Variants in SRBD1 observed in about 807,000 individuals in gnomAD.
SRBD1 encodes the protein S1 RNA binding domain 1, also known as S1 RNA-binding domain-containing protein 1.
In SRBD1, 88 loss-of-function variants were observed where a neutral mutation model predicts 115.3. The observed-to-expected ratio is 0.76, with a 90% CI of 0.64 to 0.91. SRBD1 has a LOEUF of 0.91. Among genes scored for constraint, SRBD1 ranks in the 40% least tolerant of loss-of-function variants. SRBD1 has a pLI of 0.00. For missense variants in SRBD1, 1,385 were observed against 1,177.4 expected (o/e 1.18, Z -2.58); for synonymous variants, 509 against 407.7 (o/e 1.25, Z -2.99).
At chr2:45,536,881 A>C (rs1376723458) in intron 14 of SRBD1, among the ~76,000 whole-genome samples, 1 of 152,168 alleles carries the variant, frequency 6.6e-6, no homozygotes, top group African/African-American at 2.4e-5. Context: ...AAGGCTGAAA[A>C]CTGTAATTTC....
intron 14 of SRBD1, among the ~76,000 whole-genome samples, chr2:45,522,931 A>G (rs1671331131): frequency 6.6e-6 from 1 of 152,168 alleles, no homozygotes; most frequent in South Asian, 2.1e-4. Context: ...AAAGTTATAC[A>G]CAAATTTCTG....
intron 19 of SRBD1, among the ~76,000 whole-genome samples, chr2:45,398,252 CTGA>C (rs907222671): frequency 1.3e-5 from 2 of 151,988 alleles, no homozygotes; most frequent in African/African-American, 2.4e-5. Flanking sequence ...CTTCCAGACT[CTGA>C]TGAGAGAATA....
intron 14 of SRBD1, among the ~76,000 whole-genome samples, chr2:45,489,331 GAGGC>G (rs1378903130): frequency 1.3e-5 from 2 of 152,142 alleles, no homozygotes; most frequent in Non-Finnish European, 2.9e-5. Flanking sequence ...TCAATTGCAT[GAGGC>G]AAATTTAATG....
chr2:45,518,259 C>A (rs1671179230), intron 14 of SRBD1, among the ~76,000 whole-genome samples: 1 of 151,988 alleles, frequency 6.6e-6, no homozygotes, highest in Non-Finnish European at 1.5e-5. Flanking sequence ...GCAAAATATC[C>A]AAATTTATGT....
chr2:45,441,449 C>T (rs1017227633), intron 16 of SRBD1, among the ~76,000 whole-genome samples: 1 of 152,164 alleles, frequency 6.6e-6, no homozygotes, highest in African/African-American at 2.4e-5. Flanking sequence ...GTTATTGTAT[C>T]CTGGTACATA....
intron 16 of SRBD1, among the ~76,000 whole-genome samples, chr2:45,436,243 A>G (rs1668494036): frequency 6.6e-6 from 1 of 152,214 alleles, no homozygotes; most frequent in South Asian, 2.1e-4. Flanking sequence ...TAAACTAAGA[A>G]CAAACGGGAA....
At chr2:45,534,679 T>A (rs1488919660) in intron 14 of SRBD1, among the ~76,000 whole-genome samples, 1 of 152,006 alleles carries the variant, frequency 6.6e-6, no homozygotes, top group Non-Finnish European at 1.5e-5. Context: ...CAAATTCCAC[T>A]TGTGAAACGG....
At chr2:45,570,192 CAACTGTATACTAGACTA>C (rs1368682889) in intron 9 of SRBD1, among the ~76,000 whole-genome samples, 2 of 152,236 alleles carry the variant, frequency 1.3e-5, no homozygotes, top group South Asian at 2.1e-4. Context: ...AAAAGTTTAC[CAACTGTATACTAGACTA>C]CAGAATAAGT....
intron 14 of SRBD1, among the ~76,000 whole-genome samples, chr2:45,520,150 CAAAT>C (rs1394717735): frequency 6.6e-6 from 1 of 152,170 alleles, no homozygotes; most frequent in Non-Finnish European, 1.5e-5. Flanking sequence ...AGATGTCAGC[CAAAT>C]AGAGTCCAAC....
At chr2:45,396,149 G>A (rs1558550370) in intron 19 of SRBD1, among the ~76,000 whole-genome samples, 2 of 152,070 alleles carry the variant, frequency 1.3e-5, no homozygotes, top group Non-Finnish European at 1.5e-5. Flanking sequence ...GAGGTTCAGG[G>A]AGTTTAAATA....
At chr2:45,491,861 G>A (rs984430719) in intron 14 of SRBD1, among the ~76,000 whole-genome samples, 36 of 151,920 alleles carry the variant, frequency 2.4e-4, no homozygotes, top group African/African-American at 8.7e-4. Context: ...TCACTCTGTC[G>A]CCCAGGCTGG....
chr2:45,599,216 C>A (rs1319744829), intron 4 of SRBD1, among the ~76,000 whole-genome samples: 1 of 152,146 alleles, frequency 6.6e-6, no homozygotes, highest in East Asian at 1.9e-4. Context: ...CACTAAAACA[C>A]CATAGCAAAG....
intron 15 of SRBD1, among the ~76,000 whole-genome samples, chr2:45,481,149 T>C (rs1040791490): frequency 6.6e-6 from 1 of 152,176 alleles, no homozygotes; most frequent in African/African-American, 2.4e-5. Flanking sequence ...TTTTTTGAGA[T>C]ATAATGCCAT....
intron 9 of SRBD1, chr2:45,569,514 A>C (rs535019771): frequency 1.7e-4 from 26 of 152,180 alleles, no homozygotes; most frequent in Non-Finnish European, 3.4e-4. Flanking sequence ...TAATGATGAA[A>C]ATTAAGTATT....
At chr2:45,405,586 T>C (rs1228919828) in intron 19 of SRBD1, among the ~76,000 whole-genome samples, 2 of 152,046 alleles carry the variant, frequency 1.3e-5, no homozygotes, top group Admixed American at 6.6e-5. Context: ...TGTGTATGGG[T>C]AGAATCATCC....
At chr2:45,413,986 A>G (rs1667684851) in intron 18 of SRBD1, among the ~76,000 whole-genome samples, 2 of 152,170 alleles carry the variant, frequency 1.3e-5, no homozygotes, top group South Asian at 4.1e-4. Context: ...TATCATGGAT[A>G]AACTTTACAA....
chr2:45,580,676 CTTTTT>C (rs369067711), intron 6 of SRBD1, among the ~76,000 whole-genome samples: 9 of 76,350 alleles, frequency 1.2e-4, no homozygotes, highest in Non-Finnish European at 1.7e-4. Context: ...TCTTCTACTT[CTTTTT>C]TTTTTTTTTT....
intron 16 of SRBD1, among the ~76,000 whole-genome samples, chr2:45,425,423 CTAAA>C (rs1330816837): frequency 6.6e-6 from 1 of 152,100 alleles, no homozygotes; most frequent in African/African-American, 2.4e-5. Flanking sequence ...TGTGTACAAT[CTAAA>C]TATCCACATA....
chr2:45,418,421 G>A lies in SRBD1; in HGVS notation c.2277C>T (p.Phe759=), dbSNP rs143658423. The stretch of plus-strand genomic sequence containing the variant: ...TTCTGATGAAGCCAGCACACTGTTG[G>A]AAGGATTTTGGGCCCAGCCCTTTCA... ...KKVKGLGPKS[F]QQCAGFIRIN... The change falls in exon 18 of 21, where the codon TTC becomes TTT. Residue 759 remains phenylalanine, a synonymous_variant. Transcript: ENST00000263736. 2.7e-4 allele frequency: 436 copies of A among 1,614,052 alleles called. 1 individual carries two copies. The African/African-American group carries it at 5.1e-3, about 19-fold the overall frequency.
Sources: allele counts gnomAD v4.1 joint callset (sites outside exome capture counted in the v4.1 genomes callset), GRCh38; gene constraint gnomAD v4.1.1; transcripts MANE v1.5; gene names NCBI Gene and HGNC (gene_info 2026-07-23, HGNC 2026-07-21).